Variants in BRINP1 observed in about 807,000 individuals in gnomAD.
BRINP1 encodes the protein BMP/retinoic acid inducible neural specific 1.
Under a neutral mutation model 72.9 loss-of-function variants are expected in BRINP1, and 17 were observed. The observed-to-expected ratio is 0.23, with a 90% CI of 0.16 to 0.35. The LOEUF is 0.35. BRINP1 is among the 10% of genes least tolerant of loss of function. The pLI, the probability that BRINP1 is intolerant of heterozygous loss-of-function variation, is 1.00. For synonymous variants in BRINP1, 418 were observed against 378.5 expected (o/e 1.10, Z -1.21); for missense variants, 850 against 1,001.6 (o/e 0.85, Z 2.04).
At chr9:119,238,156 CT>C (rs1198405871) in intron 5 of BRINP1, among the ~76,000 whole-genome samples, 4 of 149,288 alleles carry the variant, frequency 2.7e-5, no homozygotes, top group African/African-American at 9.7e-5. Context: ...AAAATCCTTA[CT>C]TTTTTTGATA....
chr9:119,242,286 G>A, intron 3 of BRINP1, 70 bp from the exon 4 acceptor site: 1 of 1,309,818 alleles, frequency 7.6e-7, no homozygotes, highest in Non-Finnish European at 1.1e-6. Flanking sequence ...GATGGGACCT[G>A]GATGCTGAAA....
At chr9:119,337,319 T>C (rs1259518605) in intron 1 of BRINP1, among the ~76,000 whole-genome samples, 3 of 151,912 alleles carry the variant, frequency 2.0e-5, no homozygotes, top group African/African-American at 7.3e-5. Context: ...CGGTGACAAA[T>C]CGTAGGCACA....
chr9:119,248,865 G>T, intron 3 of BRINP1, 95 bp downstream of exon 3: 1 of 1,097,212 alleles, frequency 9.1e-7, no homozygotes, highest in Non-Finnish European at 1.3e-6. Flanking sequence ...TGGCAGAGAA[G>T]CTAAGAAGGC....
intron 6 of BRINP1, among the ~76,000 whole-genome samples, chr9:119,209,191 G>T (rs756954972): frequency 1.3e-5 from 2 of 152,134 alleles, no homozygotes; most frequent in African/African-American, 2.4e-5. Context: ...AACTTCTGGC[G>T]TCGGAATACC....
At chr9:119,209,548 C>A (rs1267644065) in intron 6 of BRINP1, among the ~76,000 whole-genome samples, 1 of 146,442 alleles carries the variant, frequency 6.8e-6, no homozygotes, top group Non-Finnish European at 1.5e-5. Context: ...GCCTGGGCAA[C>A]AGAGCAAGAC....
chr9:119,330,427 A>G lies in BRINP1; in HGVS notation c.-50-17022T>C, dbSNP rs141295141. On this transcript the variant is annotated intron_variant, in intron 1 of 7. Transcript: ENST00000265922. ...AATGCCTCCATGTCTCTAGGTACTA[A>G]AGAGCAAATTCTTACTGTCCCTTGA... 2.4e-3 allele frequency among the ~76,000 whole-genome samples: 370 copies of G among 152,270 alleles called. 2 individuals are homozygous for G. Among genetic ancestry groups the G allele is most frequent in the African/African-American group, 6.1e-3 (252 of 41,550 alleles).
rs375405520 is a variant in BRINP1, at chr9:119,362,381, C to A, written c.-51+6675G>T. Among the ~76,000 whole-genome samples the A allele has an allele frequency of 3.9e-5, 6 of 152,310 alleles. No individual in the cohort carries two copies. In the East Asian group the frequency reaches 9.7e-4, roughly 25 times the overall value. On this transcript the variant is annotated intron_variant, in intron 1 of 7. Transcript: ENST00000265922. ...TAGTTCACTGTCGACATCCTCCTCACCACTATCACTACTGAAGTGTCTTCC... is the reference window on the plus strand; with the variant it reads ...TAGTTCACTGTCGACATCCTCCTCAACACTATCACTACTGAAGTGTCTTCC...
At position 119,353,786 on chromosome 9, in the gene BRINP1, A is replaced by T. The variant is rs1204966640; in HGVS notation, c.-51+15270T>A. ...TGTACATGGCATGTGTTTATTTTTCAATTAAAGCAAATTAAACTTAATTTT... is the reference window on the plus strand; with the variant it reads ...TGTACATGGCATGTGTTTATTTTTCTATTAAAGCAAATTAAACTTAATTTT... On this transcript the variant is annotated intron_variant, in intron 1 of 7. Coordinates refer to ENST00000265922, the MANE Select transcript of BRINP1 (RefSeq NM_014618.3). Among the ~76,000 whole-genome samples, 27 of 142,774 alleles carry T rather than the reference A, an allele frequency of 1.9e-4. 1 individual carries two copies. Among genetic ancestry groups the T allele is most frequent in the Non-Finnish European group, 4.1e-4 (27 of 65,512 alleles). The allele number at this position is 142,774 out of a possible 152,430, so 93.7% of individuals were successfully genotyped here.
chr9:119,177,930 G>A (rs1343081588), intron 7 of BRINP1, among the ~76,000 whole-genome samples: 1 of 152,146 alleles, frequency 6.6e-6, no homozygotes, highest in East Asian at 1.9e-4. Context: ...TTAGAAAGCA[G>A]GTGGTGTTCA....
intron 7 of BRINP1, among the ~76,000 whole-genome samples, chr9:119,170,817 G>A (rs974583396): frequency 1.4e-5 from 2 of 143,078 alleles, no homozygotes; most frequent in Admixed American, 6.9e-5. Flanking sequence ...AGAGAGTGGG[G>A]GCCAATATTC....
At chr9:119,311,758 A>G (rs973094270) in intron 2 of BRINP1, among the ~76,000 whole-genome samples, 1 of 152,148 alleles carries the variant, frequency 6.6e-6, no homozygotes, top group Non-Finnish European at 1.5e-5. Flanking sequence ...ACAACCCCCC[A>G]GATGTTTACA....
At chr9:119,336,281 C>T (rs1831344722) in intron 1 of BRINP1, among the ~76,000 whole-genome samples, 1 of 152,170 alleles carries the variant, frequency 6.6e-6, no homozygotes, top group Admixed American at 6.5e-5. Context: ...AAAGTATAGA[C>T]CACATCTTCA....
chr9:119,279,989 A>G (rs1219101636), intron 2 of BRINP1, among the ~76,000 whole-genome samples: 3 of 152,184 alleles, frequency 2.0e-5, no homozygotes. Context: ...GAAAAATGCT[A>G]TATGTACAAA....
At chr9:119,182,441 G>C (rs1326134533) in intron 7 of BRINP1, among the ~76,000 whole-genome samples, 1 of 152,180 alleles carries the variant, frequency 6.6e-6, no homozygotes, top group Admixed American at 6.5e-5. Flanking sequence ...GACATGCTAA[G>C]GTCTGAAAGC....
rs769449676 is a variant in BRINP1 at position 119,167,114 on chromosome 9, C to G, written c.2256G>C (p.Gln752His). The change falls in exon 8 of 8, where the codon CAG becomes CAC. Residue 752 changes from glutamine (Q) to histidine (H), a missense_variant. Gln to His is a conservative substitution (Grantham distance 24). Transcript: ENST00000265922. This position sits in a 1 kb window ranked among gnomAD's most constrained non-coding sequence, Gnocchi z 4.3. The stretch of plus-strand genomic sequence containing the variant: ...AGAGTTTGGCTGTCATCTGGTCCGA[C>G]TGTTTGAGGATCTCCGTGTTGTACA... ...LDLYNTEILK[Q>H]SDQMTAKLC is the part of the protein sequence containing the mutation. 2 of 1,610,592 alleles carry G rather than the reference C, an allele frequency of 1.2e-6. No homozygotes were observed. Among genetic ancestry groups the G allele is most frequent in the Non-Finnish European group, 1.7e-6 (2 of 1,177,628 alleles).
chr9:119,247,683 A>AAAAAAAAG (rs1386792428), intron 3 of BRINP1, among the ~76,000 whole-genome samples: 2 of 128,010 alleles, frequency 1.6e-5, no homozygotes, highest in African/African-American at 5.6e-5. Context: ...AAAAAAAAAA[A>AAAAAAAAG]AGAGATGACT....
At position 119,354,563 on chromosome 9, in the gene BRINP1, G is replaced by A. The variant is rs189211480; in HGVS notation, c.-51+14493C>T. On this transcript the variant is annotated intron_variant, in intron 1 of 7. Coordinates refer to ENST00000265922, the MANE Select transcript of BRINP1 (RefSeq NM_014618.3). ...AAACTCAGGGGATGTGAGGGTCCAG[G>A]GAATGTATACATCAGGCCAGCCATG... Among the ~76,000 whole-genome samples the A allele has an allele frequency of 3.2e-4, 49 of 152,066 alleles. 1 individual carries two copies. The East Asian group carries it at 9.1e-3, about 28-fold the overall frequency.
intron 1 of BRINP1, among the ~76,000 whole-genome samples, chr9:119,346,882 G>A (rs567966605): frequency 3.3e-5 from 5 of 152,270 alleles, no homozygotes; most frequent in African/African-American, 1.2e-4. Context: ...GTGGTGGATT[G>A]TCAAGAAAGG....
At chr9:119,226,730 G>A (rs541542524) in intron 5 of BRINP1, among the ~76,000 whole-genome samples, 1 of 151,856 alleles carries the variant, frequency 6.6e-6, no homozygotes, top group Non-Finnish European at 1.5e-5. Context: ...TATGGAAATC[G>A]GTCACACCTA....
Sources: gnomAD v4.1 joint callset for allele counts (sites outside exome capture counted in the v4.1 genomes callset) on GRCh38, gnomAD v4.1.1 for gene constraint, Gnocchi (gnomAD v3.1) non-coding constraint, MANE v1.5 for transcripts, NCBI Gene and HGNC (gene_info 2026-07-23, HGNC 2026-07-21) for gene names.